Variants in HNRNPD observed in about 807,000 individuals in gnomAD.
HNRNPD encodes the protein heterogeneous nuclear ribonucleoprotein D0.
In HNRNPD, 3 loss-of-function variants were observed where a neutral mutation model predicts 47.9. The observed-to-expected ratio is 0.06, with a 90% CI of 0.03 to 0.16. HNRNPD has a LOEUF of 0.16. Ranked by LOEUF, HNRNPD falls within the 10% of genes least tolerant of loss-of-function variation. The pLI is 1.00. For missense variants in HNRNPD, 287 were observed against 454.2 expected, an observed-to-expected ratio of 0.63 and a Z score of 3.35; for synonymous variants, 171 against 165.1, an observed-to-expected ratio of 1.04 and a Z score of -0.28.
chr4:82,368,701 C>T lies in HNRNPD; in HGVS notation c.290+2827G>A, dbSNP rs542536364. On this transcript the variant is annotated intron_variant, in intron 2 of 8. Coordinates refer to ENST00000313899, the MANE Select transcript of HNRNPD (RefSeq NM_031370.3). ...TCTCAACTTTACTACATACAGTAAA[C>T]CCAACTGTACTGAATCAAAGGCCAG... Among the ~76,000 whole-genome samples the T allele has an allele frequency of 2.0e-5, 3 of 152,306 alleles. No individual in the cohort carries two copies. In the East Asian group the frequency reaches 5.8e-4, roughly 29 times the overall value.
chr4:82,373,923 C>A lies in HNRNPD; in HGVS notation c.-245G>T. The A allele has an allele frequency of 1.1e-6, 1 of 926,822 alleles. No homozygotes were observed. Among genetic ancestry groups the A allele is most frequent in the Non-Finnish European group, 1.5e-6 (1 of 663,060 alleles). 57.4% of individuals were successfully genotyped at this position (926,822 alleles called of 1,614,324 possible). A position where few individuals can be genotyped will look rare whatever the true frequency, so the allele number is the denominator to read the frequency against. ...CCGCTGCACTAAAAAAGAATAAGCA[C>A]CAGCGGCGGCCGCTCTCGCCTCCTC... is the stretch of plus-strand genomic sequence containing the variant. On this transcript the variant is annotated 5_prime_UTR_variant, in exon 1 of 9. Transcript: ENST00000313899.
chr4:82,360,506 T>C (rs1442205808), intron 2 of HNRNPD, among the ~76,000 whole-genome samples: 2 of 152,168 alleles, frequency 1.3e-5, no homozygotes, highest in Non-Finnish European at 2.9e-5. Context: ...AGCTATCCTA[T>C]ACCTAACCTT....
At chr4:82,372,400 G>GA (rs567180423) in intron 1 of HNRNPD, among the ~76,000 whole-genome samples, 84 of 150,418 alleles carry the variant, frequency 5.6e-4, no homozygotes, top group South Asian at 1.5e-3. Context: ...GCACCAAAAA[G>GA]AAAAAAAAAG....
chr4:82,373,269 G>C, intron 1 of HNRNPD, 177 bp downstream of exon 1: 2 of 856,110 alleles, frequency 2.3e-6, no homozygotes, highest in Non-Finnish European at 3.7e-6. Flanking sequence ...AGCAGGCAAA[G>C]GAAGAAGGAA....
intron 2 of HNRNPD, among the ~76,000 whole-genome samples, chr4:82,361,861 A>G (rs1719457538): frequency 1.3e-5 from 2 of 152,196 alleles, no homozygotes. Context: ...TAGTTGTTTA[A>G]TATGCCTACC....
At chr4:82,365,366 T>C (rs1719697816) in intron 2 of HNRNPD, among the ~76,000 whole-genome samples, 1 of 152,208 alleles carries the variant, frequency 6.6e-6, no homozygotes, top group Non-Finnish European at 1.5e-5. Flanking sequence ...ATTAAATCCT[T>C]ACTGAATTTT....
intron 4 of HNRNPD, 129 bp from the exon 5 acceptor site, chr4:82,357,573 TCTCC>T: frequency 1.4e-6 from 1 of 695,602 alleles, no homozygotes; most frequent in Non-Finnish European, 2.3e-6. Flanking sequence ...GTCTCCTGTT[TCTCC>T]CTATTTATTC....
rs1723620915 is a variant in HNRNPD, at chr4:82,354,131, A to T, written c.*54T>A. ...GGAGCCACCTTCAAATGAATCTTCA[A>T]ATTGGAAAATACTGCTTCACCACCT... is the stretch of plus-strand genomic sequence containing the variant. On this transcript the variant is annotated 3_prime_UTR_variant, in exon 9 of 9. Coordinates refer to ENST00000313899, the MANE Select transcript of HNRNPD (RefSeq NM_031370.3). The T allele has an allele frequency of 6.6e-6, 1 of 152,624 alleles. No homozygotes were observed. The highest frequency in any genetic ancestry group is 2.4e-5 in the African/African-American group (1 of 41,458). 9.5% of individuals were successfully genotyped at this position (152,624 alleles called of 1,614,324 possible).
At position 82,373,056 on chromosome 4, in the gene HNRNPD, T is replaced by A. The variant is rs1720149586; in HGVS notation, c.233+390A>T. The A allele has an allele frequency of 6.6e-6, 3 of 455,426 alleles. No individual in the cohort carries two copies. In the Admixed American group the frequency reaches 7.8e-5, roughly 12 times the overall value. 28.2% of individuals were successfully genotyped at this position (455,426 alleles called of 1,614,324 possible). ...ACAGAGAAGCTGTTTGTGTCTGTGT[T>A]TTTATGCCCAAGACTGTAGAAAAAG... On this transcript the variant is annotated intron_variant, in intron 1 of 8. Transcript: ENST00000313899.
intron 4 of HNRNPD, 109 bp downstream of exon 4, chr4:82,358,550 A>G (rs1485861985): frequency 1.1e-6 from 1 of 933,488 alleles, no homozygotes; most frequent in Non-Finnish European, 1.6e-6. Flanking sequence ...AACAGATCAC[A>G]TAATCTACCC....
intron 2 of HNRNPD, among the ~76,000 whole-genome samples, chr4:82,367,071 T>C (rs961880470): frequency 1.3e-5 from 2 of 150,968 alleles, no homozygotes; most frequent in Non-Finnish European, 2.9e-5. Flanking sequence ...CATATTATGT[T>C]GCCTAGCTGG....
rs542653341 is a variant in HNRNPD, at chr4:82,369,232, G to C, written c.290+2296C>G. ...ACTGCAGCACTGCAGAGAACAGAAT[G>C]GGTCCACACCACAAAGTAAAATGAG... On this transcript the variant is annotated intron_variant, in intron 2 of 8. Transcript: ENST00000313899. Among the ~76,000 whole-genome samples the C allele has an allele frequency of 2.6e-5, 4 of 152,292 alleles. No individual in the cohort carries two copies. In the East Asian group the frequency reaches 7.7e-4, roughly 29 times the overall value.
chr4:82,366,625 G>A (rs1440909791), intron 2 of HNRNPD, among the ~76,000 whole-genome samples: 2 of 151,980 alleles, frequency 1.3e-5, no homozygotes, highest in Non-Finnish European at 2.9e-5. Context: ...GGAATGCAGT[G>A]GTGCAACCTT....
chr4:82,366,138 A>G (rs1210031548), intron 2 of HNRNPD, among the ~76,000 whole-genome samples: 1 of 152,214 alleles, frequency 6.6e-6, no homozygotes, highest in African/African-American at 2.4e-5. Context: ...ACATTTTCAG[A>G]GACTTCTCTG....
At position 82,352,713 on chromosome 4, in the gene HNRNPD, T is replaced by C. The variant is rs1723547048; in HGVS notation, c.*1472A>G. On this transcript the variant is annotated 3_prime_UTR_variant, in exon 9 of 9. Transcript: ENST00000313899. ...TACCACTGTAACACAAAAGCAGCCA[T>C]ATACAAAACATAAACAAATGAGCAT... is the stretch of plus-strand genomic sequence containing the variant. 1 of 152,182 alleles carries C rather than the reference T, an allele frequency of 6.6e-6. No homozygotes were observed. The highest frequency in any genetic ancestry group is 1.5e-5 in the Non-Finnish European group (1 of 68,028). 9.4% of individuals were successfully genotyped at this position (152,182 alleles called of 1,614,324 possible).
At chr4:82,354,850 A>G (rs1314593499) in intron 8 of HNRNPD, 1 of 153,828 alleles carries the variant, frequency 6.5e-6, no homozygotes, top group Non-Finnish European at 1.5e-5. Context: ...TGAAGTATCC[A>G]TTTTATTTTA....
rs1371505862 is a variant in HNRNPD, at chr4:82,352,772, G to C, written c.*1413C>G. ...TGCAATCTTATAAAAACAGGACACAGGTCCTCAATTTGGATCTATCATAAA... is the reference window on the plus strand; with the variant it reads ...TGCAATCTTATAAAAACAGGACACACGTCCTCAATTTGGATCTATCATAAA... On this transcript the variant is annotated 3_prime_UTR_variant, in exon 9 of 9. Transcript: ENST00000313899. 6.9e-6 allele frequency: 1 copy of C among 143,960 alleles called. No homozygotes were observed. Among genetic ancestry groups the C allele is most frequent in the South Asian group, 2.2e-4 (1 of 4,644 alleles). The allele number at this position is 143,960 out of a possible 1,614,324, so 8.9% of individuals were successfully genotyped here. A position where few individuals can be genotyped will look rare whatever the true frequency, so the allele number is the denominator to read the frequency against.
intron 2 of HNRNPD, among the ~76,000 whole-genome samples, chr4:82,367,028 T>TTTC (rs201501575): frequency 0.014 from 1,228 of 84,870 alleles, 17 homozygotes; most frequent in African/African-American, 0.04. Flanking sequence ...ACACTAGCCT[T>TTTC]TTTTTTTTTT....
At chr4:82,358,119 T>C (rs1723802784) in intron 4 of HNRNPD, 1 of 152,458 alleles carries the variant, frequency 6.6e-6, no homozygotes, top group South Asian at 2.1e-4. Context: ...CTAAGTTTGT[T>C]TTACTTTTAA....
Sources: gnomAD v4.1 joint callset for allele counts (sites outside exome capture counted in the v4.1 genomes callset) on GRCh38, gnomAD v4.1.1 for gene constraint, MANE v1.5 for transcripts, NCBI Gene and HGNC (gene_info 2026-07-23, HGNC 2026-07-21) for gene names.